Variants in DDX1 observed in about 807,000 individuals in gnomAD.
DDX1 encodes the protein ATP-dependent RNA helicase DDX1.
DDX1 carries 28 observed loss-of-function variants against 108.7 expected under a neutral mutation model. The ratio of observed to expected loss-of-function variants is 0.26; its 90% CI spans 0.19 to 0.35. The LOEUF (loss-of-function observed/expected upper bound fraction) is 0.35. Among genes scored for constraint, DDX1 ranks in the 10% least tolerant of loss-of-function variants. DDX1 has a pLI of 1.00. For synonymous variants in DDX1, 295 were observed against 288.9 expected, an observed-to-expected ratio of 1.02 and a Z score of -0.21; for missense variants, 710 against 884.5, an observed-to-expected ratio of 0.80 and a Z score of 2.50.
intron 1 of DDX1, among the ~76,000 whole-genome samples, chr2:15,592,916 G>T (rs1490699077): frequency 3.9e-4 from 51 of 131,224 alleles, no homozygotes; most frequent in African/African-American, 1.3e-3. Context: ...TTTCTTTTTT[G>T]GGGGGGAGAA....
intron 16 of DDX1, 142 bp from the exon 17 acceptor site, chr2:15,620,066 C>T: frequency 1.4e-6 from 1 of 704,628 alleles, no homozygotes; most frequent in Non-Finnish European, 2.3e-6. Flanking sequence ...AGTCATAACT[C>T]TAGTTGTCGC....
chr2:15,614,150 A>G (rs544194260), intron 14 of DDX1, among the ~76,000 whole-genome samples: 66 of 152,324 alleles, frequency 4.3e-4, no homozygotes, highest in Non-Finnish European at 2.9e-5. Context: ...ACTGTTTATC[A>G]GTTCTGTGAA....
At chr2:15,612,836 C>G (rs1018550810) in intron 13 of DDX1, among the ~76,000 whole-genome samples, 1 of 152,198 alleles carries the variant, frequency 6.6e-6, no homozygotes, top group African/African-American at 2.4e-5. Flanking sequence ...GAAACCCCGT[C>G]TCCACCAAAA....
chr2:15,607,319 T>A lies in DDX1; in HGVS notation c.956+6T>A. On this transcript the variant is annotated splice_donor_region_variant and intron_variant, in intron 13 of 25. Transcript: ENST00000233084. ...ATTGATAATCCTAAATTAAGGTAAA[T>A]CTTCCTTTTGTGCTGAAATGCTTAT... The A allele has an allele frequency of 1.2e-6, 2 of 1,612,080 alleles. No homozygotes were observed. Among genetic ancestry groups the A allele is most frequent in the Non-Finnish European group, 1.7e-6 (2 of 1,178,572 alleles).
At chr2:15,628,317 T>C in intron 20 of DDX1, 128 bp from the exon 21 acceptor site, 1 of 650,826 alleles carries the variant, frequency 1.5e-6, no homozygotes, top group Non-Finnish European at 2.7e-6. Flanking sequence ...ATTAGGAGTA[T>C]GTCGACCTCT....
chr2:15,613,413 C>G lies in DDX1; in HGVS notation c.1017+129C>G, dbSNP rs140282241. ...GCAAGGTCAGAGGAGTATGTTTGTT[C>G]AAAGACATCTTGCAAGTGCGCCTTT... On this transcript the variant is annotated intron_variant, in intron 14 of 25. Transcript: ENST00000233084. The G allele has an allele frequency of 5.6e-6, 3 of 537,964 alleles. No individual in the cohort carries two copies. In the African/African-American group the frequency reaches 5.9e-5, roughly 11 times the overall value. The allele number at this position is 537,964 out of a possible 1,614,324, so 33.3% of individuals were successfully genotyped here.
At position 15,630,816 on chromosome 2, in the gene DDX1, T is replaced by A; in HGVS notation, c.2133T>A (p.Thr711=). ...YKGHVDILAP[T]VQELAALEKE... The stretch of plus-strand genomic sequence containing the variant: ...GCCATGTGGATATTTTGGCACCTAC[T>A]GTTCAAGAGTTGGCTGCCCTTGAAA... Residue 711 remains threonine (T), a synonymous_variant, in exon 26 of 26, where the codon ACT becomes ACA. Coordinates refer to ENST00000233084, the MANE Select transcript of DDX1 (RefSeq NM_004939.3). 1 of 1,614,042 alleles carries A rather than the reference T, an allele frequency of 6.2e-7. No individual in the cohort carries two copies. The highest frequency in any genetic ancestry group is 8.5e-7 in the Non-Finnish European group (1 of 1,179,896).
intron 16 of DDX1, 95 bp from the exon 17 acceptor site, chr2:15,620,113 T>C: frequency 3.5e-6 from 4 of 1,149,988 alleles, no homozygotes; most frequent in Non-Finnish European, 5.1e-6. Flanking sequence ...CTTTGGAGTC[T>C]AGGCTAGCAC....
At chr2:15,592,866 T>C (rs2148735301) in intron 1 of DDX1, among the ~76,000 whole-genome samples, 1 of 146,810 alleles carries the variant, frequency 6.8e-6, no homozygotes, top group African/African-American at 2.5e-5. Flanking sequence ...TCTGTAAGAA[T>C]ATTAGGAATT....
At chr2:15,609,866 A>G (rs1665725121) in intron 13 of DDX1, among the ~76,000 whole-genome samples, 1 of 152,194 alleles carries the variant, frequency 6.6e-6, no homozygotes, top group Non-Finnish European at 1.5e-5. Flanking sequence ...ATTTCCAGAG[A>G]ATAGGAATTA....
At chr2:15,620,537 A>G (rs1665986140) in intron 17 of DDX1, 141 bp downstream of exon 17, 2 of 576,316 alleles carry the variant, frequency 3.5e-6, no homozygotes, top group Non-Finnish European at 5.8e-6. Flanking sequence ...TTAGACCTTT[A>G]AAAAGCACTG....
intron 24 of DDX1, 142 bp downstream of exon 24, chr2:15,629,839 T>C: frequency 9.9e-7 from 1 of 1,010,124 alleles, no homozygotes; most frequent in East Asian, 2.5e-5. Context: ...TATCTGCACT[T>C]TGCTAATTGT....
rs551057876 is a variant in DDX1, at chr2:15,630,647, A to G, written c.2093-129A>G. The G allele has an allele frequency of 2.8e-5, 24 of 859,564 alleles. No individual in the cohort carries two copies. The African/African-American group carries it at 3.7e-4, about 13-fold the overall frequency. The allele number at this position is 859,564 out of a possible 1,614,324, so 53.2% of individuals were successfully genotyped here. A position where few individuals can be genotyped will look rare whatever the true frequency, so the allele number is the denominator to read the frequency against. Reference sequence around the variant, plus strand: ...ATTTTTTAAAGTCAAAGTTCTGGAGATAACTTGCCCAGTAGTACATTTTAT... The same window carrying G: ...ATTTTTTAAAGTCAAAGTTCTGGAGGTAACTTGCCCAGTAGTACATTTTAT... On this transcript the variant is annotated intron_variant, in intron 25 of 25. Coordinates refer to ENST00000233084, the MANE Select transcript of DDX1 (RefSeq NM_004939.3).
intron 13 of DDX1, among the ~76,000 whole-genome samples, chr2:15,610,682 CAT>C (rs1338155127): frequency 6.6e-6 from 1 of 152,094 alleles, no homozygotes; most frequent in African/African-American, 2.4e-5. Context: ...TGTCTGAAAA[CAT>C]AGATTGAAAC....
intron 13 of DDX1, among the ~76,000 whole-genome samples, chr2:15,609,057 T>C (rs1386669564): frequency 1.3e-5 from 2 of 152,098 alleles, no homozygotes; most frequent in African/African-American, 2.4e-5. Context: ...AGTGTGAAAG[T>C]GTGGGGATAG....
chr2:15,594,632 A>G (rs1259348380), intron 1 of DDX1, among the ~76,000 whole-genome samples: 1 of 152,192 alleles, frequency 6.6e-6, no homozygotes, highest in East Asian at 1.9e-4. Context: ...ATGGCTGCCA[A>G]TAAATGTGGG....
chr2:15,620,176 G>A, intron 16 of DDX1, 32 bp from the exon 17 acceptor site: 1 of 1,561,616 alleles, frequency 6.4e-7, no homozygotes, highest in Non-Finnish European at 8.8e-7. Flanking sequence ...TATTATAAAA[G>A]TTCATCTCAA....
chr2:15,619,623 A>G (rs1344371483), intron 16 of DDX1, among the ~76,000 whole-genome samples: 2 of 152,228 alleles, frequency 1.3e-5, no homozygotes, highest in African/African-American at 4.8e-5. Flanking sequence ...ACTATGTAAA[A>G]TGTTTGCTTT....
chr2:15,600,698 A>G (rs532137992), intron 6 of DDX1, among the ~76,000 whole-genome samples: 2 of 149,208 alleles, frequency 1.3e-5, no homozygotes, highest in Admixed American at 6.7e-5. Flanking sequence ...TACAGATAAT[A>G]GTAACCAAAG....
Sources: gnomAD v4.1 joint callset for allele counts (sites outside exome capture counted in the v4.1 genomes callset) on GRCh38, gnomAD v4.1.1 for gene constraint, MANE v1.5 for transcripts, NCBI Gene and HGNC (gene_info 2026-07-23, HGNC 2026-07-21) for gene names.